CWC27: variants seen among roughly 807,000 people sequenced by gnomAD.
CWC27 encodes the protein spliceosome-associated protein CWC27 homolog.
In CWC27, 47 loss-of-function variants were observed where a neutral mutation model predicts 63.6. That is an observed-to-expected ratio of 0.74 (90% CI 0.58 to 0.94). CWC27 has a LOEUF of 0.94. CWC27 is among the 40% of genes least tolerant of loss of function. The pLI is 0.00. For synonymous variants in CWC27, 175 were observed against 179.8 expected, an observed-to-expected ratio of 0.97 and a Z score of 0.22; for missense variants, 495 against 554.3, an observed-to-expected ratio of 0.89 and a Z score of 1.07.
rs114261174 is a variant in CWC27 at position 64,880,422 on chromosome 5, A to G, written c.939-5021A>G. ...CATAAACGTCAGCCTTTTTACCTATAAAATGCCTATATCACAGCTCATTAA... is the reference window on the plus strand; with the variant it reads ...CATAAACGTCAGCCTTTTTACCTATGAAATGCCTATATCACAGCTCATTAA... On this transcript the variant is annotated intron_variant, in intron 10 of 13. Coordinates refer to ENST00000381070, the MANE Select transcript of CWC27 (RefSeq NM_005869.4). 9.0e-3 allele frequency among the ~76,000 whole-genome samples: 1,361 copies of G among 152,026 alleles called. 20 individuals carry two copies. Among genetic ancestry groups the G allele is most frequent in the Middle Eastern group, 0.031 (9 of 294 alleles).
At chr5:64,919,912 T>TACCCAA (rs1747963953) in intron 11 of CWC27, among the ~76,000 whole-genome samples, 1 of 152,230 alleles carries the variant, frequency 6.6e-6, no homozygotes, top group Non-Finnish European at 1.5e-5. Context: ...TGATTTTCTT[T>TACCCAA]TGGATATTTA....
intron 11 of CWC27, among the ~76,000 whole-genome samples, chr5:64,939,283 TG>T (rs2112412273): frequency 6.6e-6 from 1 of 152,344 alleles, no homozygotes; most frequent in East Asian, 1.9e-4. Context: ...GACCTTCAGA[TG>T]GGGTTGTCTT....
At chr5:64,801,992 G>T (rs373658728) in intron 9 of CWC27, among the ~76,000 whole-genome samples, 3 of 152,268 alleles carry the variant, frequency 2.0e-5, no homozygotes, top group East Asian at 3.9e-4. Flanking sequence ...GCTCTCTATG[G>T]CTATCAGTAG....
chr5:65,002,615 G>C (rs1052899760), intron 13 of CWC27, among the ~76,000 whole-genome samples: 3 of 151,960 alleles, frequency 2.0e-5, no homozygotes, highest in Non-Finnish European at 2.9e-5. Context: ...TTTTGTTATT[G>C]ATTTCTAGTT....
intron 11 of CWC27, among the ~76,000 whole-genome samples, chr5:64,954,353 A>G (rs755305541): frequency 1.3e-5 from 2 of 152,138 alleles, no homozygotes; most frequent in Non-Finnish European, 2.9e-5. Context: ...CAGTAGCACA[A>G]TCATGGCTCA....
Position 64,859,972 on chromosome 5 carries a change from C to T in CWC27, c.939-25471C>T, listed in dbSNP as rs16893195. ...CAATAGTAACAAGTGTTTATTTGGC[C>T]CATCCTTGTATACACTCTAATATGT... On this transcript the variant is annotated intron_variant, in intron 10 of 13. Transcript: ENST00000381070. 4.3e-3 allele frequency among the ~76,000 whole-genome samples: 653 copies of T among 152,084 alleles called. 6 individuals carry two copies. Among genetic ancestry groups the T allele is most frequent in the African/African-American group, 0.015 (620 of 41,496 alleles).
At chr5:64,786,720 C>T in intron 6 of CWC27, 93 bp downstream of exon 6, 1 of 725,076 alleles carries the variant, frequency 1.4e-6, no homozygotes, top group Non-Finnish European at 2.2e-6. Context: ...TGTTTACTAG[C>T]AAAGGAGAGG....
chr5:64,930,593 C>T (rs900722357), intron 11 of CWC27, among the ~76,000 whole-genome samples: 1 of 152,138 alleles, frequency 6.6e-6, no homozygotes, highest in Admixed American at 6.5e-5. Flanking sequence ...TCACCATTGT[C>T]ATAGTAAAGA....
At chr5:64,819,449 AC>A (rs542210651) in intron 10 of CWC27, among the ~76,000 whole-genome samples, 215 of 152,088 alleles carry the variant, frequency 1.4e-3, no homozygotes, top group Non-Finnish European at 2.3e-3. Context: ...CTTAATTCCC[AC>A]ATGTTGTAGG....
intron 10 of CWC27, among the ~76,000 whole-genome samples, chr5:64,864,484 G>A (rs558943126): frequency 1.1e-4 from 17 of 152,168 alleles, no homozygotes; most frequent in African/African-American, 4.1e-4. Context: ...GTGCTGCTTG[G>A]CCCAAACAAC....
intron 10 of CWC27, among the ~76,000 whole-genome samples, chr5:64,855,844 G>T (rs775895764): frequency 1.7e-4 from 26 of 151,926 alleles, no homozygotes; most frequent in Non-Finnish European, 2.9e-4. Context: ...TTTTTTATTT[G>T]GACATTTCCC....
intron 10 of CWC27, among the ~76,000 whole-genome samples, chr5:64,846,257 G>A (rs146329519): frequency 4.3e-4 from 66 of 152,332 alleles, no homozygotes; most frequent in African/African-American, 1.5e-3. Context: ...CTGTAGGACT[G>A]TAATAATGGT....
intron 10 of CWC27, among the ~76,000 whole-genome samples, chr5:64,828,262 C>T (rs1745421741): frequency 6.6e-6 from 1 of 152,084 alleles, no homozygotes; most frequent in Non-Finnish European, 1.5e-5. Flanking sequence ...TTAAGTAGTA[C>T]TTAATCCTCT....
intron 11 of CWC27, among the ~76,000 whole-genome samples, chr5:64,944,120 T>G (rs922496552): frequency 6.6e-6 from 1 of 152,096 alleles, no homozygotes; most frequent in East Asian, 1.9e-4. Flanking sequence ...TTATCAAATT[T>G]CTGTTCTTAC....
intron 1 of CWC27, 131 bp downstream of exon 1, chr5:64,769,319 C>T: frequency 1.3e-6 from 1 of 766,356 alleles, no homozygotes. Context: ...TTTACTCCTG[C>T]ATGTGGACAA....
At chr5:64,805,487 G>A (rs900780636) in intron 10 of CWC27, among the ~76,000 whole-genome samples, 2 of 151,726 alleles carry the variant, frequency 1.3e-5, no homozygotes, top group African/African-American at 4.8e-5. Flanking sequence ...GTTAAATCAT[G>A]AATATAATTA....
intron 10 of CWC27, among the ~76,000 whole-genome samples, chr5:64,876,614 G>C (rs1177565434): frequency 6.6e-6 from 1 of 152,000 alleles, no homozygotes; most frequent in African/African-American, 2.4e-5. Flanking sequence ...CTCTCCAACA[G>C]CATGTCACTC....
intron 13 of CWC27, among the ~76,000 whole-genome samples, chr5:65,001,530 A>T (rs1488696829): frequency 6.6e-6 from 1 of 152,020 alleles, no homozygotes; most frequent in Admixed American, 6.6e-5. Context: ...AATCATAAAA[A>T]TGTGTTTAAT....
chr5:64,909,674 T>C (rs1747743006), intron 11 of CWC27, among the ~76,000 whole-genome samples: 1 of 152,210 alleles, frequency 6.6e-6, no homozygotes, highest in African/African-American at 2.4e-5. Context: ...TCTCACTTTA[T>C]TTCATTAATT....
Sources: allele counts gnomAD v4.1 joint callset (sites outside exome capture counted in the v4.1 genomes callset), GRCh38; gene constraint gnomAD v4.1.1; transcripts MANE v1.5; gene names NCBI Gene and HGNC (gene_info 2026-07-23, HGNC 2026-07-21).